Variants in CDC42BPA observed in about 807,000 individuals in gnomAD.
The protein encoded by CDC42BPA is serine/threonine-protein kinase MRCK alpha.
CDC42BPA carries 80 observed loss-of-function variants against 223.5 expected under a neutral mutation model. The observed-to-expected ratio is 0.36, with a 90% CI of 0.30 to 0.43. CDC42BPA has a LOEUF of 0.43. Ranked by LOEUF, CDC42BPA falls within the 20% of genes least tolerant of loss-of-function variation. The probability of loss-of-function intolerance (pLI) is 1.00; values close to 1 mark genes in which losing one functional copy is unlikely to be tolerated. For synonymous variants in CDC42BPA, 694 were observed against 718.6 expected, an observed-to-expected ratio of 0.97 and a Z score of 0.55; for missense variants, 1,743 against 2,099.9, an observed-to-expected ratio of 0.83 and a Z score of 3.32.
At position 227,003,103 on chromosome 1, in the gene CDC42BPA, G is replaced by C. The variant is rs139512918; in HGVS notation, c.4975+1891C>G. On this transcript the variant is annotated intron_variant, in intron 35 of 36. Coordinates refer to ENST00000366766, the MANE Select transcript of CDC42BPA (RefSeq NM_001394014.1). Reference sequence around the variant, plus strand: ...AAAAAAATACCTGGGCACAAATTGGGTGCCAAAATCAGTATTTGCTGAATG... The same window carrying C: ...AAAAAAATACCTGGGCACAAATTGGCTGCCAAAATCAGTATTTGCTGAATG... 6.0e-3 allele frequency among the ~76,000 whole-genome samples: 913 copies of C among 152,204 alleles called. 11 individuals carry two copies. The highest frequency in any genetic ancestry group is 0.021 in the African/African-American group (859 of 41,500).
intron 16 of CDC42BPA, among the ~76,000 whole-genome samples, chr1:227,083,641 A>G (rs533045620): frequency 7.2e-5 from 11 of 152,174 alleles, no homozygotes; most frequent in Non-Finnish European, 1.6e-4. Flanking sequence ...CATGCCACAT[A>G]TCGTGTATAC....
At chr1:227,105,763 G>A (rs1418800127) in intron 14 of CDC42BPA, among the ~76,000 whole-genome samples, 1 of 152,156 alleles carries the variant, frequency 6.6e-6, no homozygotes, top group African/African-American at 2.4e-5. Context: ...CCATGTTGTA[G>A]CATGTATCAT....
At chr1:227,113,487 C>A (rs1687263031) in intron 12 of CDC42BPA, among the ~76,000 whole-genome samples, 1 of 152,074 alleles carries the variant, frequency 6.6e-6, no homozygotes, top group Non-Finnish European at 1.5e-5. Flanking sequence ...GAGCTCACAA[C>A]CACAGATTCC....
At chr1:227,116,733 G>A (rs958078479) in intron 12 of CDC42BPA, among the ~76,000 whole-genome samples, 5 of 152,080 alleles carry the variant, frequency 3.3e-5, no homozygotes, top group Non-Finnish European at 5.9e-5. Context: ...AAATTTTACC[G>A]AAACCTGGGC....
chr1:227,105,288 CT>C (rs1171368478), intron 14 of CDC42BPA, among the ~76,000 whole-genome samples: 1 of 151,928 alleles, frequency 6.6e-6, no homozygotes, highest in African/African-American at 2.4e-5. Context: ...AATTAACTCC[CT>C]GTTCCCCACT....
intron 1 of CDC42BPA, among the ~76,000 whole-genome samples, chr1:227,311,490 G>A (rs1693533335): frequency 6.6e-6 from 1 of 152,136 alleles, no homozygotes; most frequent in Admixed American, 6.5e-5. Context: ...GAGTTCAGCT[G>A]AAGTGATGAG....
At chr1:226,999,641 C>T (rs1662365642) in intron 35 of CDC42BPA, among the ~76,000 whole-genome samples, 1 of 152,154 alleles carries the variant, frequency 6.6e-6, no homozygotes, top group Non-Finnish European at 1.5e-5. Context: ...TATAAAGACA[C>T]ATGCACACGT....
chr1:227,292,146 C>A (rs139298444), intron 1 of CDC42BPA, among the ~76,000 whole-genome samples: 2 of 152,122 alleles, frequency 1.3e-5, no homozygotes, highest in East Asian at 3.9e-4. Flanking sequence ...CCATGCCCGG[C>A]TTATTTTTGT....
At chr1:227,248,998 A>G (rs1271435857) in intron 2 of CDC42BPA, among the ~76,000 whole-genome samples, 2 of 152,184 alleles carry the variant, frequency 1.3e-5, no homozygotes, top group Non-Finnish European at 2.9e-5. Flanking sequence ...AGCAAAAAGA[A>G]CAAAACTGGA....
At chr1:227,238,568 T>C (rs1679489177) in intron 2 of CDC42BPA, among the ~76,000 whole-genome samples, 1 of 152,128 alleles carries the variant, frequency 6.6e-6, no homozygotes, top group South Asian at 2.1e-4. Flanking sequence ...ATCTAAAATA[T>C]TTACTGTCAC....
At chr1:227,195,917 A>G (rs1318445612) in intron 4 of CDC42BPA, among the ~76,000 whole-genome samples, 1 of 152,196 alleles carries the variant, frequency 6.6e-6, no homozygotes, top group Non-Finnish European at 1.5e-5. Context: ...GGGACAAACA[A>G]TCCAACAAAA....
intron 6 of CDC42BPA, among the ~76,000 whole-genome samples, chr1:227,154,804 T>C (rs1317850045): frequency 2.0e-5 from 3 of 152,096 alleles, no homozygotes; most frequent in Non-Finnish European, 4.4e-5. Flanking sequence ...ATTAAGCTAA[T>C]TTCAAAGCAG....
chr1:227,261,526 A>G (rs11806482), intron 1 of CDC42BPA, among the ~76,000 whole-genome samples: 43,365 of 146,568 alleles, frequency 0.3, 6,958 homozygotes, highest in East Asian at 0.37. Context: ...TAGAAATGCT[A>G]AATAAAACAA....
In CDC42BPA at chr1:227,032,429, T is replaced by C. The variant is rs554699001; in HGVS notation, c.3558+905A>G. ...AAATATAGGGAGATAGGCATAACAA[T>C]TGGGCAGTAGTTTTTTTTTTTAACC... On this transcript the variant is annotated intron_variant, in intron 27 of 36. Coordinates refer to ENST00000366766, the MANE Select transcript of CDC42BPA (RefSeq NM_001394014.1). Among the ~76,000 whole-genome samples the C allele has an allele frequency of 1.4e-4, 21 of 152,200 alleles. 1 individual carries two copies. The South Asian group carries it at 1.5e-3, about 11-fold the overall frequency.
chr1:227,081,034 A>C lies in CDC42BPA; in HGVS notation c.2356-17T>G. 1.9e-6 allele frequency: 3 copies of C among 1,612,696 alleles called. No homozygotes were observed. The highest frequency in any genetic ancestry group is 2.5e-6 in the Non-Finnish European group (3 of 1,179,366). On this transcript the variant is annotated splice_polypyrimidine_tract_variant and intron_variant, in intron 16 of 36. Transcript: ENST00000366766. ...AGTAGTAAGCTGAAAGATAGTTTTA[A>C]GACATGCATGACTTTTAGGACCAAG... is the stretch of plus-strand genomic sequence containing the variant.
chr1:227,194,904 G>C (rs1379417509), intron 4 of CDC42BPA, among the ~76,000 whole-genome samples: 1 of 152,096 alleles, frequency 6.6e-6, no homozygotes, highest in African/African-American at 2.4e-5. Context: ...GTAGCACTTA[G>C]CATGAAGGCT....
intron 1 of CDC42BPA, among the ~76,000 whole-genome samples, chr1:227,297,601 G>T (rs1690867790): frequency 6.6e-6 from 1 of 152,142 alleles, no homozygotes; most frequent in South Asian, 2.1e-4. Context: ...ATATTATTCA[G>T]CCATAAACAG....
chr1:227,194,053 C>T (rs75603511), intron 4 of CDC42BPA, 119 bp from the exon 5 acceptor site: 1 of 594,758 alleles, frequency 1.7e-6, no homozygotes, highest in African/African-American at 1.9e-5. Flanking sequence ...ACATATGCTG[C>T]TAATTAACAA....
chr1:227,113,070 A>G (rs141811601), intron 12 of CDC42BPA, among the ~76,000 whole-genome samples, 157 bp from the exon 13 acceptor site: 2,692 of 152,352 alleles, frequency 0.018, 35 homozygotes, highest in Non-Finnish European at 0.026. Flanking sequence ...TATTAACGGC[A>G]TGGTGTCCTG....
Sources: allele counts gnomAD v4.1 joint callset (sites outside exome capture counted in the v4.1 genomes callset), GRCh38; gene constraint gnomAD v4.1.1; transcripts MANE v1.5; gene names NCBI Gene and HGNC (gene_info 2026-07-23, HGNC 2026-07-21).